Variants in CPM observed in about 807,000 individuals in gnomAD.
CPM encodes carboxypeptidase M.
Under a neutral mutation model 46.4 loss-of-function variants are expected in CPM, and 35 were observed. That is an observed-to-expected ratio of 0.75 (90% CI 0.58 to 1.00). The LOEUF (loss-of-function observed/expected upper bound fraction) is 1.00. Ranked by LOEUF, CPM falls within the 50% of genes least tolerant of loss-of-function variation. The pLI is 0.00. For missense variants in CPM, 422 were observed against 530.4 expected (o/e 0.80, Z 2.01); for synonymous variants, 195 against 195.3 (o/e 1.00, Z 0.01).
intron 2 of CPM, among the ~76,000 whole-genome samples, chr12:68,899,750 G>T (rs998526292): frequency 6.6e-6 from 1 of 152,190 alleles, no homozygotes; most frequent in South Asian, 2.1e-4. Context: ...GGAACTACTG[G>T]AGAACTTTAA....
intron 8 of CPM, among the ~76,000 whole-genome samples, chr12:68,858,509 T>C (rs562576808): frequency 2.6e-5 from 4 of 152,222 alleles, no homozygotes; most frequent in Non-Finnish European, 5.9e-5. Flanking sequence ...ACTTATAAAA[T>C]GAATTCTAAG....
At chr12:68,899,447 T>C (rs1887024128) in intron 2 of CPM, among the ~76,000 whole-genome samples, 2 of 152,238 alleles carry the variant, frequency 1.3e-5, no homozygotes, top group Admixed American at 1.3e-4. Context: ...TTTTCTTTCA[T>C]GGCCTGTTCT....
At chr12:68,943,142 G>C (rs1172718506) in intron 1 of CPM, among the ~76,000 whole-genome samples, 1 of 152,206 alleles carries the variant, frequency 6.6e-6, no homozygotes, top group Non-Finnish European at 1.5e-5. Flanking sequence ...AGTAAGGTCT[G>C]TGGAACCACA....
At chr12:68,861,820 G>A (rs1012653788) in intron 7 of CPM, among the ~76,000 whole-genome samples, 1 of 147,808 alleles carries the variant, frequency 6.8e-6, no homozygotes, top group African/African-American at 2.5e-5. Context: ...GAGCCATCGC[G>A]CCCGGCTAAC....
At chr12:68,959,143 T>C (rs377713789) in intron 1 of CPM, among the ~76,000 whole-genome samples, 3 of 152,208 alleles carry the variant, frequency 2.0e-5, no homozygotes, top group South Asian at 4.1e-4. Flanking sequence ...CACCTCAGAA[T>C]GTGAATGCCA....
intron 2 of CPM, among the ~76,000 whole-genome samples, chr12:68,916,830 G>C (rs1887824761): frequency 6.7e-6 from 1 of 150,242 alleles, no homozygotes; most frequent in Admixed American, 6.6e-5. Context: ...GGAGGTTGCA[G>C]TGAGCTGGGA....
chr12:68,876,199 CA>C (rs1885944439), intron 3 of CPM, among the ~76,000 whole-genome samples: 1 of 152,078 alleles, frequency 6.6e-6, no homozygotes, highest in African/African-American at 2.4e-5. Context: ...TAGTCCACAA[CA>C]AATCACAAGT....
At position 68,881,957 on chromosome 12, in the gene CPM, G is replaced by A. The variant is rs535416544; in HGVS notation, c.258+3835C>T. Among the ~76,000 whole-genome samples, 18 of 150,218 alleles carry A rather than the reference G, an allele frequency of 1.2e-4. No homozygotes were observed. In the South Asian group the frequency reaches 2.3e-3, roughly 19 times the overall value. On this transcript the variant is annotated intron_variant, in intron 3 of 8. Transcript: ENST00000551568. ...GGCTGGTCTTGAACTCCTAAACTCA[G>A]GTGATCCACCCACCTCAGCCTCCCA... is the stretch of plus-strand genomic sequence containing the variant.
chr12:68,856,840 G>A (rs543432055), intron 8 of CPM, among the ~76,000 whole-genome samples, 161 bp from the exon 9 acceptor site: 1 of 152,364 alleles, frequency 6.6e-6, no homozygotes, highest in East Asian at 1.9e-4. Context: ...TGCAGGCTGA[G>A]TTATCCAATG....
At chr12:68,904,893 T>C (rs1402892981) in intron 2 of CPM, among the ~76,000 whole-genome samples, 7 of 151,908 alleles carry the variant, frequency 4.6e-5, no homozygotes, top group African/African-American at 1.7e-4. Context: ...TTTTAAACTG[T>C]GCATTAAAAT....
intron 3 of CPM, among the ~76,000 whole-genome samples, chr12:68,878,207 C>T (rs1886041807): frequency 6.6e-6 from 1 of 152,334 alleles, no homozygotes; most frequent in Middle Eastern, 3.4e-3. Context: ...TGCGTCTAAC[C>T]TTCAAGCTGT....
intron 2 of CPM, among the ~76,000 whole-genome samples, chr12:68,896,166 A>G (rs558069018): frequency 6.6e-6 from 1 of 152,140 alleles, no homozygotes; most frequent in African/African-American, 2.4e-5. Context: ...TTTCTTCTGC[A>G]TGGATAGTCC....
chr12:68,913,740 T>C (rs1454621037), intron 2 of CPM: 1 of 433,784 alleles, frequency 2.3e-6, no homozygotes, highest in African/African-American at 2.0e-5. Flanking sequence ...GGCTACTCAC[T>C]GCTGGTAGTG....
chr12:68,939,026 A>C (rs981393987), intron 1 of CPM, among the ~76,000 whole-genome samples: 5 of 147,634 alleles, frequency 3.4e-5, no homozygotes, highest in Non-Finnish European at 6.0e-5. Flanking sequence ...TATAGATATT[A>C]TGTACATACA....
intron 2 of CPM, among the ~76,000 whole-genome samples, chr12:68,920,371 T>G (rs765249157): frequency 6.6e-6 from 1 of 152,160 alleles, no homozygotes; most frequent in Non-Finnish European, 1.5e-5. Flanking sequence ...TTCCCACATG[T>G]CTCTAGGTGT....
chr12:68,875,186 A>C (rs769081999), intron 3 of CPM, among the ~76,000 whole-genome samples: 6 of 152,038 alleles, frequency 3.9e-5, no homozygotes, highest in Non-Finnish European at 5.9e-5. Flanking sequence ...CCTCGTCTCT[A>C]CTAAAAATAC....
chr12:68,908,792 A>G (rs1887458567), intron 2 of CPM, among the ~76,000 whole-genome samples: 1 of 152,234 alleles, frequency 6.6e-6, no homozygotes, highest in African/African-American at 2.4e-5. Flanking sequence ...CATAAAAATT[A>G]AAAACTTCTG....
chr12:68,909,869 G>A (rs1181815546), intron 2 of CPM, among the ~76,000 whole-genome samples: 1 of 151,720 alleles, frequency 6.6e-6, no homozygotes, highest in Non-Finnish European at 1.5e-5. Flanking sequence ...ATAACATTAG[G>A]AGAAATACCT....
intron 1 of CPM, among the ~76,000 whole-genome samples, chr12:68,941,466 C>T (rs752653215): frequency 1.3e-5 from 2 of 151,950 alleles, no homozygotes; most frequent in African/African-American, 2.4e-5. Flanking sequence ...CTTAACCTCC[C>T]AGGCTTAAGT....
Sources: gnomAD v4.1 joint callset for allele counts (sites outside exome capture counted in the v4.1 genomes callset) on GRCh38, gnomAD v4.1.1 for gene constraint, MANE v1.5 for transcripts, NCBI Gene and HGNC (gene_info 2026-07-23, HGNC 2026-07-21) for gene names.